Variants in ASB5 observed in about 807,000 individuals in gnomAD.
ASB5 encodes ankyrin repeat and SOCS box containing 5.
In ASB5, 45 loss-of-function variants were observed where a neutral mutation model predicts 42.1. The ratio of observed to expected loss-of-function variants is 1.07; its 90% CI spans 0.84 to 1.37. The LOEUF (loss-of-function observed/expected upper bound fraction) is 1.37, where lower values mean the gene tolerates loss of function less well. Ranked by LOEUF, ASB5 falls within the 40% of genes most tolerant of loss-of-function variation. The pLI is 0.00. For synonymous variants in ASB5, 147 were observed against 150.6 expected (o/e 0.98, Z 0.18); for missense variants, 402 against 399.8 (o/e 1.01, Z -0.05).
upstream of ASB5, among the ~76,000 whole-genome samples, chr4:176,271,664 T>C (rs573294848): frequency 2.0e-5 from 3 of 152,274 alleles, no homozygotes; most frequent in Non-Finnish European, 4.4e-5. Flanking sequence ...GGAAAAATCA[T>C]TTATTGAGGG....
At chr4:176,255,539 CA>C (rs1024968605) in intron 1 of ASB5, among the ~76,000 whole-genome samples, 2 of 152,130 alleles carry the variant, frequency 1.3e-5, no homozygotes, top group African/African-American at 4.8e-5. Flanking sequence ...CATAAAAGAA[CA>C]AAATCATGTC....
chr4:176,272,037 T>C (rs1001915947), upstream of ASB5, among the ~76,000 whole-genome samples: 3 of 152,154 alleles, frequency 2.0e-5, no homozygotes, highest in East Asian at 5.8e-4. Flanking sequence ...GAACCTAAAT[T>C]ACTCCAGTAA....
chr4:176,249,832 G>C (rs1330465716), intron 1 of ASB5, among the ~76,000 whole-genome samples: 1 of 152,018 alleles, frequency 6.6e-6, no homozygotes, highest in Non-Finnish European at 1.5e-5. Flanking sequence ...TTGGGAGGCC[G>C]AGGCGGGTGG....
chr4:176,269,705 G>A (rs181231877), upstream of ASB5, among the ~76,000 whole-genome samples: 10 of 152,142 alleles, frequency 6.6e-5, no homozygotes, highest in Admixed American at 5.9e-4. Flanking sequence ...AACTTAACAC[G>A]GTTCCTTCAT....
chr4:176,217,105 G>A (rs905753880), intron 5 of ASB5, 96 bp from the exon 6 acceptor site: 8 of 969,892 alleles, frequency 8.2e-6, no homozygotes, highest in East Asian at 2.4e-5. Context: ...AATAGAGGAA[G>A]GTTATTAAGG....
Position 176,269,166 on chromosome 4 carries a change from C to T in ASB5, c.-58G>A. 6.5e-7 allele frequency: 1 copy of T among 1,527,980 alleles called. No individual in the cohort carries two copies. Among genetic ancestry groups the T allele is most frequent in the Non-Finnish European group, 8.9e-7 (1 of 1,121,952 alleles). 94.7% of individuals were successfully genotyped at this position (1,527,980 alleles called of 1,614,324 possible). A position where few individuals can be genotyped will look rare whatever the true frequency, so the allele number is the denominator to read the frequency against. ...GGATCCAAGTCTCAAATGTGCCTGGCTCTCGTCCGGGATGCTCCTGAACAG... is the reference window on the plus strand; with the variant it reads ...GGATCCAAGTCTCAAATGTGCCTGGTTCTCGTCCGGGATGCTCCTGAACAG... On this transcript the variant is annotated 5_prime_UTR_variant, in exon 1 of 7. Coordinates refer to ENST00000296525, the MANE Select transcript of ASB5 (RefSeq NM_080874.4).
In ASB5 at chr4:176,216,998, G is replaced by A. The variant is rs1273504990; in HGVS notation, c.682C>T (p.Gln228Ter). Residue 228 changes from glutamine to a stop codon, truncating the protein, a stop_gained, in exon 6 of 7, where the codon CAG (glutamine) becomes TAG (stop). Transcript: ENST00000296525. LOFTEE classifies it high-confidence loss of function. ...WKLLYAGADV[Q>*]KGKYWDTPLH... Reference sequence around the variant, plus strand: ...GGAGTATCCCAATATTTGCCTTTCTGTACGTCAGCACCTACATGTAATACG... The same window carrying A: ...GGAGTATCCCAATATTTGCCTTTCTATACGTCAGCACCTACATGTAATACG... The A allele has an allele frequency of 6.2e-7, 1 of 1,605,974 alleles. No individual in the cohort carries two copies. The highest frequency in any genetic ancestry group is 2.2e-5 in the East Asian group (1 of 44,770).
chr4:176,237,412 G>T (rs1014530220), intron 1 of ASB5: 1 of 985,704 alleles, frequency 1.0e-6, no homozygotes, highest in African/African-American at 1.7e-5. Flanking sequence ...CAATATCTGC[G>T]GACATAGTTT....
chr4:176,217,007 C>T lies in ASB5; in HGVS notation c.673G>A (p.Ala225Thr). The change falls in exon 6 of 7, where the codon GCT (alanine) becomes ACT (threonine). Residue 225 changes from alanine to threonine, a missense_variant and splice_region_variant. Physicochemically the swap from Ala to Thr is moderately conservative, Grantham distance 58. Transcript: ENST00000296525. ...HCIWKLLYAGADVQKGKYWDT... is the reference protein window; with the variant it reads ...HCIWKLLYAGTDVQKGKYWDT... ...CAATATTTGCCTTTCTGTACGTCAGCACCTACATGTAATACGGAGTGAAGA... is the reference window on the plus strand; with the variant it reads ...CAATATTTGCCTTTCTGTACGTCAGTACCTACATGTAATACGGAGTGAAGA... The T allele has an allele frequency of 1.2e-6, 2 of 1,600,130 alleles. No individual in the cohort carries two copies. Among genetic ancestry groups the T allele is most frequent in the South Asian group, 1.1e-5 (1 of 88,624 alleles).
chr4:176,276,459 A>G (rs1396755544), intron 1 of ASB5, among the ~76,000 whole-genome samples: 2 of 152,226 alleles, frequency 1.3e-5, no homozygotes. Flanking sequence ...CAGAATTCAT[A>G]ACCAATGTTA....
intron 1 of ASB5, among the ~76,000 whole-genome samples, chr4:176,227,921 A>G (rs1186902263): frequency 6.6e-6 from 1 of 152,132 alleles, no homozygotes; most frequent in Non-Finnish European, 1.5e-5. Flanking sequence ...CACCCCCTCC[A>G]AAATAAAACC....
chr4:176,237,536 A>T (rs72706398), intron 1 of ASB5: 151,029 of 984,778 alleles, frequency 0.15, 12,235 homozygotes, highest in Admixed American at 0.19. Context: ...AGACTTTCAC[A>T]AAGGTTCCTG....
intron 1 of ASB5, among the ~76,000 whole-genome samples, chr4:176,229,902 T>C (rs1486028084): frequency 6.6e-6 from 1 of 152,184 alleles, no homozygotes; most frequent in Non-Finnish European, 1.5e-5. Flanking sequence ...TCTCTCACTA[T>C]TCCTTGAAGA....
chr4:176,271,389 A>G (rs535993032), upstream of ASB5, among the ~76,000 whole-genome samples: 1 of 152,338 alleles, frequency 6.6e-6, no homozygotes, highest in East Asian at 1.9e-4. Context: ...TAACCACATT[A>G]AAAGTATTGT....
At chr4:176,225,712 C>G (rs1753358469) in intron 1 of ASB5, among the ~76,000 whole-genome samples, 1 of 152,152 alleles carries the variant, frequency 6.6e-6, no homozygotes, top group African/African-American at 2.4e-5. Flanking sequence ...GCCTCAGTTT[C>G]TCGAGTAGCA....
At chr4:176,258,904 AT>A (rs1401140388) in intron 1 of ASB5, among the ~76,000 whole-genome samples, 12 of 152,220 alleles carry the variant, frequency 7.9e-5, no homozygotes, top group Admixed American at 7.9e-4. Context: ...TTCTTTTCAC[AT>A]TCTTGGAATG....
chr4:176,259,643 T>C (rs1039027301), intron 1 of ASB5, among the ~76,000 whole-genome samples: 1 of 152,244 alleles, frequency 6.6e-6, no homozygotes, highest in Non-Finnish European at 1.5e-5. Context: ...CTTTGCGGCA[T>C]TATGATGGTG....
chr4:176,241,684 GA>G, intron 1 of ASB5: 2 of 1,328,288 alleles, frequency 1.5e-6, no homozygotes, highest in African/African-American at 1.5e-5. Flanking sequence ...AGTGAGGGCA[GA>G]TGAGGTCTGA....
intron 1 of ASB5, among the ~76,000 whole-genome samples, chr4:176,231,659 C>CAAAA (rs11362445): frequency 1.9e-3 from 194 of 101,830 alleles, no homozygotes; most frequent in African/African-American, 3.3e-3. Flanking sequence ...CTTGTCTCTG[C>CAAAA]AAAAAAAAAA....
Sources: gnomAD v4.1 joint callset for allele counts (sites outside exome capture counted in the v4.1 genomes callset) on GRCh38, gnomAD v4.1.1 for gene constraint, MANE v1.5 for transcripts, NCBI Gene and HGNC (gene_info 2026-07-23, HGNC 2026-07-21) for gene names.